The following MICU1 variants were observed in gnomAD, a reference collection of about 807,000 sequenced individuals.
The protein encoded by MICU1 is calcium uptake protein 1, mitochondrial.
MICU1 carries 45 observed loss-of-function variants against 56.8 expected under a neutral mutation model. The observed-to-expected ratio is 0.79, with a 90% CI of 0.62 to 1.02. The LOEUF (loss-of-function observed/expected upper bound fraction) is 1.02. MICU1 is among the 50% of genes least tolerant of loss of function. MICU1 has a pLI of 0.00. For missense variants in MICU1, 504 were observed against 587.1 expected, an observed-to-expected ratio of 0.86 and a Z score of 1.46; for synonymous variants, 186 against 195.1, an observed-to-expected ratio of 0.95 and a Z score of 0.39.
At chr10:72,410,548 G>A (rs1388153473) in intron 9 of MICU1, among the ~76,000 whole-genome samples, 2 of 152,330 alleles carry the variant, frequency 1.3e-5, no homozygotes, top group African/African-American at 4.8e-5. Flanking sequence ...GAGCCTGGGA[G>A]GCAGAGGTTG....
At chr10:72,623,178 G>C (rs923548667) in intron 1 of MICU1, among the ~76,000 whole-genome samples, 6 of 151,380 alleles carry the variant, frequency 4.0e-5, no homozygotes, top group African/African-American at 1.5e-4. Context: ...GGATGAGGCA[G>C]AAGAATCACT....
rs183428316 is a variant in MICU1 at position 72,492,495 on chromosome 10, G to A, written c.653-15239C>T. Among the ~76,000 whole-genome samples, 382 of 152,288 alleles carry A rather than the reference G, an allele frequency of 2.5e-3. 4 individuals carry two copies. The highest frequency in any genetic ancestry group is 8.8e-3 in the African/African-American group (366 of 41,554). On this transcript the variant is annotated intron_variant, in intron 6 of 11. Coordinates refer to ENST00000361114, the MANE Select transcript of MICU1 (RefSeq NM_001195518.2). ...AAATGCATATGGGCTGGGCGTGGTG[G>A]CTCCTGCCTGTAATCCCAGCACGTT...
chr10:72,446,469 T>C (rs1233743827), intron 8 of MICU1, among the ~76,000 whole-genome samples: 1 of 152,036 alleles, frequency 6.6e-6, no homozygotes, highest in Non-Finnish European at 1.5e-5. Flanking sequence ...TAGCTGGGAT[T>C]ACAGGTGTCC....
At chr10:72,462,163 A>C (rs780570380) in intron 8 of MICU1, among the ~76,000 whole-genome samples, 15 of 151,994 alleles carry the variant, frequency 9.9e-5, no homozygotes, top group Non-Finnish European at 1.6e-4. Context: ...CCCACTTAAC[A>C]ATTTTTGAAC....
intron 1 of MICU1, among the ~76,000 whole-genome samples, chr10:72,577,767 TG>T (rs556359461): frequency 2.6e-5 from 4 of 152,192 alleles, no homozygotes; most frequent in Non-Finnish European, 5.9e-5. Context: ...TGGATTGCTA[TG>T]ATCTCATGGC....
intron 10 of MICU1, among the ~76,000 whole-genome samples, chr10:72,376,194 C>T (rs748898138): frequency 3.3e-5 from 5 of 151,398 alleles, no homozygotes; most frequent in Non-Finnish European, 5.9e-5. Flanking sequence ...CAGAGAATTG[C>T]TTGAACCCGA....
chr10:72,505,672 T>G (rs1305746731), intron 6 of MICU1, among the ~76,000 whole-genome samples: 2 of 152,138 alleles, frequency 1.3e-5, no homozygotes, highest in African/African-American at 4.8e-5. Context: ...AACATGGATG[T>G]AGCCAGAGGC....
intron 10 of MICU1, among the ~76,000 whole-genome samples, chr10:72,391,066 A>G (rs571257805): frequency 1.3e-5 from 2 of 152,232 alleles, no homozygotes; most frequent in Non-Finnish European, 2.9e-5. Context: ...TCACAACCCT[A>G]TGAGGTGGGT....
chr10:72,377,276 C>T (rs527791055), intron 10 of MICU1, among the ~76,000 whole-genome samples: 38 of 152,104 alleles, frequency 2.5e-4, no homozygotes, highest in African/African-American at 8.7e-4. Context: ...CCTGCCATCA[C>T]GCCTGGCTAA....
chr10:72,422,784 C>T (rs946720556), intron 9 of MICU1, among the ~76,000 whole-genome samples: 1 of 149,852 alleles, frequency 6.7e-6, no homozygotes, highest in East Asian at 1.9e-4. Context: ...AATCTTGGCT[C>T]ACTGCAACCT....
At chr10:72,623,673 T>C (rs1842164562) in intron 1 of MICU1, among the ~76,000 whole-genome samples, 1 of 152,098 alleles carries the variant, frequency 6.6e-6, no homozygotes, top group Admixed American at 6.6e-5. Context: ...AAACCCCATC[T>C]CTACTAAAAA....
intron 10 of MICU1, among the ~76,000 whole-genome samples, chr10:72,380,987 T>C (rs1862683497): frequency 6.6e-6 from 1 of 152,164 alleles, no homozygotes; most frequent in Non-Finnish European, 1.5e-5. Context: ...GAGTATTCCC[T>C]AGGAACTCAT....
chr10:72,415,190 T>G (rs1449064514), intron 9 of MICU1, among the ~76,000 whole-genome samples: 1 of 152,078 alleles, frequency 6.6e-6, no homozygotes, highest in African/African-American at 2.4e-5. Flanking sequence ...TAATTTTTTG[T>G]ATTTTTGTAG....
chr10:72,517,909 G>T (rs899206554), intron 5 of MICU1, among the ~76,000 whole-genome samples: 1 of 151,952 alleles, frequency 6.6e-6, no homozygotes, highest in Non-Finnish European at 1.5e-5. Flanking sequence ...ATACACTTCA[G>T]GGGTGATATG....
chr10:72,562,728 C>T, intron 3 of MICU1, 167 bp downstream of exon 3: 1 of 536,448 alleles, frequency 1.9e-6, no homozygotes, highest in Non-Finnish European at 3.0e-6. Context: ...CTCCTTTAAC[C>T]TCACATTCCA....
At chr10:72,549,115 T>C (rs1323185954) in intron 4 of MICU1, among the ~76,000 whole-genome samples, 1 of 152,180 alleles carries the variant, frequency 6.6e-6, no homozygotes, top group African/African-American at 2.4e-5. Context: ...TATTACGAAC[T>C]TTCTGGTTAG....
At chr10:72,385,940 T>C (rs1278750694) in intron 10 of MICU1, among the ~76,000 whole-genome samples, 2 of 152,146 alleles carry the variant, frequency 1.3e-5, no homozygotes, top group African/African-American at 2.4e-5. Context: ...CTGAGAGCAA[T>C]GACTGGCCAA....
chr10:72,463,068 A>C (rs1316084017), intron 8 of MICU1, among the ~76,000 whole-genome samples: 3 of 149,844 alleles, frequency 2.0e-5, no homozygotes, highest in Non-Finnish European at 3.0e-5. Flanking sequence ...AGTCTTCTGC[A>C]CTTTTTTTTT....
intron 8 of MICU1, among the ~76,000 whole-genome samples, chr10:72,462,890 C>T (rs1275581795): frequency 6.6e-6 from 1 of 152,166 alleles, no homozygotes; most frequent in Non-Finnish European, 1.5e-5. Flanking sequence ...TTATGAGCTC[C>T]TTTTATCTTG....
Sources: gnomAD v4.1 joint callset for allele counts (sites outside exome capture counted in the v4.1 genomes callset) on GRCh38, gnomAD v4.1.1 for gene constraint, MANE v1.5 for transcripts, NCBI Gene and HGNC (gene_info 2026-07-23, HGNC 2026-07-21) for gene names.